PCDH7: variants seen among roughly 807,000 people sequenced by gnomAD.
PCDH7 encodes protocadherin-7.
In PCDH7, 17 loss-of-function variants were observed where a neutral mutation model predicts 58.9. The ratio of observed to expected loss-of-function variants is 0.29; its 90% confidence interval spans 0.20 to 0.43. The LOEUF (loss-of-function observed/expected upper bound fraction) is 0.43. Among genes scored for constraint, PCDH7 ranks in the 20% least tolerant of loss-of-function variants. The probability of loss-of-function intolerance (pLI) is 1.00; values close to 1 mark genes in which losing one functional copy is unlikely to be tolerated. For synonymous variants in PCDH7, 664 were observed against 616.4 expected (o/e 1.08, Z -1.14); for missense variants, 1,274 against 1,441.0 (o/e 0.88, Z 1.88).
chr4:31,091,760 C>A (rs530280040), intron 3 of PCDH7, among the ~76,000 whole-genome samples: 1 of 151,918 alleles, frequency 6.6e-6, no homozygotes, highest in African/African-American at 2.4e-5. Flanking sequence ...ATATATAATT[C>A]TCACTCCACT....
chr4:31,093,674 A>G (rs185472365), intron 3 of PCDH7, among the ~76,000 whole-genome samples: 1 of 152,232 alleles, frequency 6.6e-6, no homozygotes, highest in East Asian at 1.9e-4. Flanking sequence ...GCATCAGTGC[A>G]AGTATATCCA....
chr4:31,067,572 G>C (rs1020776708), intron 3 of PCDH7, among the ~76,000 whole-genome samples: 1 of 151,878 alleles, frequency 6.6e-6, no homozygotes. Context: ...GGAACACAAG[G>C]AGAAATAGAG....
chr4:31,069,468 G>A (rs905725023), intron 3 of PCDH7, among the ~76,000 whole-genome samples: 3 of 151,962 alleles, frequency 2.0e-5, no homozygotes, highest in African/African-American at 4.8e-5. Flanking sequence ...AAAATTAGCA[G>A]AGAAAACCCA....
downstream of PCDH7, among the ~76,000 whole-genome samples, chr4:30,736,475 T>C (rs964241765): frequency 1.3e-5 from 2 of 152,032 alleles, no homozygotes; most frequent in Non-Finnish European, 2.9e-5. Flanking sequence ...CCTGTGATTT[T>C]TATCTGGCAC....
intron 1 of PCDH7, among the ~76,000 whole-genome samples, chr4:30,759,602 GA>G (rs1328363613): frequency 6.6e-6 from 1 of 151,790 alleles, no homozygotes; most frequent in Non-Finnish European, 1.5e-5. Flanking sequence ...TGTGTGAAAA[GA>G]AAAAAATCTG....
chr4:31,077,838 C>T (rs1216981264), intron 3 of PCDH7, among the ~76,000 whole-genome samples: 1 of 152,060 alleles, frequency 6.6e-6, no homozygotes, highest in Non-Finnish European at 1.5e-5. Flanking sequence ...TTAGAAGGCA[C>T]GAGGTCCACT....
At chr4:31,014,535 A>G (rs574857046) in intron 3 of PCDH7, among the ~76,000 whole-genome samples, 5 of 152,308 alleles carry the variant, frequency 3.3e-5, no homozygotes, top group African/African-American at 1.2e-4. Context: ...GGGAAGGGAA[A>G]GCACAACTAC....
chr4:30,744,898 G>A (rs1388645483), intron 1 of PCDH7, among the ~76,000 whole-genome samples: 1 of 152,120 alleles, frequency 6.6e-6, no homozygotes, highest in African/African-American at 2.4e-5. Context: ...CTGTATTTTA[G>A]TCATTCTATG....
chr4:30,809,976 A>G (rs552263109), intron 1 of PCDH7, among the ~76,000 whole-genome samples: 5 of 152,242 alleles, frequency 3.3e-5, no homozygotes, highest in African/African-American at 1.2e-4. Context: ...TTGTTCTTCA[A>G]TGTGCAGCTA....
chr4:31,048,715 G>A (rs188788105), intron 3 of PCDH7, among the ~76,000 whole-genome samples: 2,062 of 151,532 alleles, frequency 0.014, 21 homozygotes, highest in South Asian at 0.028. Context: ...CTGTTGAAAA[G>A]AGAGAGAGAG....
intron 3 of PCDH7, among the ~76,000 whole-genome samples, chr4:30,963,618 G>A (rs1324341097): frequency 6.6e-6 from 1 of 151,988 alleles, no homozygotes; most frequent in Non-Finnish European, 1.5e-5. Context: ...AAATGGTGTG[G>A]CTACATATCC....
rs559654471 is a variant in PCDH7, at chr4:30,857,513, T to C, written c.71-62640T>C. Reference sequence around the variant, plus strand: ...CTTCCTGCAAATCTTACAAGACTTTTTGTGTAAGTAAAGCTCGTCTGGGTT... The same window carrying C: ...CTTCCTGCAAATCTTACAAGACTTTCTGTGTAAGTAAAGCTCGTCTGGGTT... On this transcript the variant is annotated intron_variant, in intron 1 of 3. Transcript: ENST00000509759. 3.0e-4 allele frequency among the ~76,000 whole-genome samples: 46 copies of C among 152,242 alleles called. 2 individuals are homozygous for C. In the South Asian group the frequency reaches 9.3e-3, roughly 31 times the overall value.
intron 1 of PCDH7, among the ~76,000 whole-genome samples, chr4:30,762,386 A>C (rs1720141778): frequency 6.6e-6 from 1 of 152,190 alleles, no homozygotes; most frequent in African/African-American, 2.4e-5. Context: ...ATATGCAATA[A>C]AACTATAAGA....
chr4:30,838,096 G>C (rs1412277605), intron 1 of PCDH7, among the ~76,000 whole-genome samples: 4 of 151,682 alleles, frequency 2.6e-5, no homozygotes, highest in African/African-American at 9.7e-5. Flanking sequence ...AGAATGCCTG[G>C]GTGCTCCATA....
At chr4:31,108,867 T>C (rs1386063212) in intron 3 of PCDH7, among the ~76,000 whole-genome samples, 2 of 152,104 alleles carry the variant, frequency 1.3e-5, no homozygotes, top group Non-Finnish European at 2.9e-5. Flanking sequence ...ACTCACTGGC[T>C]TAAGGCAATA....
At chr4:30,762,867 A>G (rs1370281092) in intron 1 of PCDH7, among the ~76,000 whole-genome samples, 3 of 152,218 alleles carry the variant, frequency 2.0e-5, no homozygotes, top group Non-Finnish European at 4.4e-5. Context: ...GAATGGACAT[A>G]CAATCAGAAC....
chr4:30,802,034 G>A (rs1725590134), intron 1 of PCDH7, among the ~76,000 whole-genome samples: 1 of 152,006 alleles, frequency 6.6e-6, no homozygotes. Context: ...GGGAAAGCAG[G>A]GTGTCCTTAT....
At chr4:31,117,267 C>T (rs1362185872) in intron 3 of PCDH7, among the ~76,000 whole-genome samples, 1 of 152,086 alleles carries the variant, frequency 6.6e-6, no homozygotes, top group Non-Finnish European at 1.5e-5. Flanking sequence ...CTGTCTTAAG[C>T]AAAATGTCAG....
At chr4:30,907,553 C>A (rs977361832) in intron 1 of PCDH7, among the ~76,000 whole-genome samples, 13 of 152,120 alleles carry the variant, frequency 8.5e-5, no homozygotes, top group Non-Finnish European at 1.5e-4. Flanking sequence ...CAATGAGATA[C>A]CATCTCACAC....
Sources: gnomAD v4.1 joint callset for allele counts (sites outside exome capture counted in the v4.1 genomes callset) on GRCh38, gnomAD v4.1.1 for gene constraint, MANE v1.5 for transcripts, NCBI Gene and HGNC (gene_info 2026-07-23, HGNC 2026-07-21) for gene names.